ZNF292: variants seen among roughly 807,000 people sequenced by gnomAD.
ZNF292 encodes zinc finger protein 292.
ZNF292 carries 26 observed loss-of-function variants against 217.9 expected under a neutral mutation model. The observed-to-expected ratio is 0.12, with a 90% CI of 0.09 to 0.17. The LOEUF (loss-of-function observed/expected upper bound fraction) is 0.17. Ranked by LOEUF, ZNF292 falls within the 10% of genes least tolerant of loss-of-function variation. The pLI, the probability that ZNF292 is intolerant of heterozygous loss-of-function variation, is 1.00. For missense variants in ZNF292, 2,904 were observed against 3,175.2 expected (o/e 0.91, Z 2.05); for synonymous variants, 1,257 against 1,124.1 (o/e 1.12, Z -2.37).
intron 4 of ZNF292, 50 bp downstream of exon 4, chr6:87,218,781 A>G: frequency 1.3e-6 from 2 of 1,506,680 alleles, no homozygotes; most frequent in Non-Finnish European, 1.8e-6. Context: ...ACTAGAAAAA[A>G]TAAGTGTTAA....
In ZNF292 at chr6:87,228,102, CTTGTT is replaced by C. The variant is rs1430819633; in HGVS notation, c.539-5220_539-5216del. Among the ~76,000 whole-genome samples the C allele has an allele frequency of 3.9e-5, 6 of 152,250 alleles. No homozygotes were observed. The East Asian group carries it at 1.2e-3, about 29-fold the overall frequency. ...CAGTTAATCCACATCCTCACCAACA[CTTGTT>C]TTCTGTTTTTTTCGTAGTAGTCATC... is the stretch of plus-strand genomic sequence containing the variant. On this transcript the variant is annotated intron_variant, in intron 4 of 7. Transcript: ENST00000369577.
At chr6:87,192,316 C>T (rs1207797293) in intron 1 of ZNF292, among the ~76,000 whole-genome samples, 1 of 151,042 alleles carries the variant, frequency 6.6e-6, no homozygotes, top group Admixed American at 6.6e-5. Flanking sequence ...AATTCTGTTA[C>T]TTTAAAAAGT....
intron 1 of ZNF292, among the ~76,000 whole-genome samples, chr6:87,190,683 A>G (rs1422404333): frequency 1.3e-5 from 2 of 152,134 alleles, no homozygotes; most frequent in Non-Finnish European, 2.9e-5. Flanking sequence ...CATGTTGGCC[A>G]GGCTGGTCTG....
At position 87,262,152 on chromosome 6, in the gene ZNF292, T is replaced by A. The variant is rs966056888; in HGVS notation, c.*351T>A. The A allele has an allele frequency of 6.3e-6, 1 of 157,892 alleles. No homozygotes were observed. Among genetic ancestry groups the A allele is most frequent in the African/African-American group, 2.4e-5 (1 of 41,666 alleles). The allele number at this position is 157,892 out of a possible 1,614,324, so 9.8% of individuals were successfully genotyped here. ...CAGTACTCTTTATTTGTAGATACCTTTTTTGTATATATTTATTATTGTAAA... is the reference window on the plus strand; with the variant it reads ...CAGTACTCTTTATTTGTAGATACCTATTTTGTATATATTTATTATTGTAAA... On this transcript the variant is annotated 3_prime_UTR_variant, in exon 8 of 8. Transcript: ENST00000369577.
At chr6:87,173,671 T>C (rs1771184393) in intron 1 of ZNF292, 1 of 152,354 alleles carries the variant, frequency 6.6e-6, no homozygotes, top group Admixed American at 6.5e-5. Context: ...GTTTCTCTTT[T>C]TCTTCTTTGG....
chr6:87,248,634 C>G (rs1191326751), intron 7 of ZNF292, among the ~76,000 whole-genome samples: 1 of 152,178 alleles, frequency 6.6e-6, no homozygotes, highest in Non-Finnish European at 1.5e-5. Flanking sequence ...TATGAAACTA[C>G]TATGCAGTTT....
chr6:87,230,461 T>C (rs1042405902), intron 4 of ZNF292, among the ~76,000 whole-genome samples: 6 of 151,920 alleles, frequency 3.9e-5, no homozygotes, highest in Non-Finnish European at 2.9e-5. Context: ...TGGCCCGGCG[T>C]GGGGGCTCAC....
intron 1 of ZNF292, among the ~76,000 whole-genome samples, chr6:87,165,699 G>C (rs975127000): frequency 1.3e-5 from 2 of 151,592 alleles, no homozygotes; most frequent in Admixed American, 6.6e-5. Context: ...AGTCTAGTTG[G>C]CCCAGAACAT....
At chr6:87,161,729 T>G (rs966758613) in intron 1 of ZNF292, among the ~76,000 whole-genome samples, 1 of 152,250 alleles carries the variant, frequency 6.6e-6, no homozygotes, top group Non-Finnish European at 1.5e-5. Context: ...TTTTGCTTTT[T>G]TGTTGTTTGT....
intron 1 of ZNF292, among the ~76,000 whole-genome samples, chr6:87,174,906 A>G (rs1479892950): frequency 1.3e-5 from 2 of 152,200 alleles, no homozygotes; most frequent in African/African-American, 4.8e-5. Context: ...GACCGAGGTT[A>G]TCTTACACAT....
rs142204561 is a variant in ZNF292, at chr6:87,264,224, A to G, written c.*2423A>G. 2.5e-3 allele frequency: 386 copies of G among 152,286 alleles called. 2 individuals carry two copies. The highest frequency in any genetic ancestry group is 9.0e-3 in the African/African-American group (372 of 41,552). The allele number at this position is 152,286 out of a possible 1,614,324, so 9.4% of individuals were successfully genotyped here. Reference sequence around the variant, plus strand: ...CTTTTCCCCAGCCTATTGTCTTGAGATATCTTCTACAGCCTAAATTTGCTA... The same window carrying G: ...CTTTTCCCCAGCCTATTGTCTTGAGGTATCTTCTACAGCCTAAATTTGCTA... On this transcript the variant is annotated 3_prime_UTR_variant, in exon 8 of 8. Transcript: ENST00000369577.
At chr6:87,216,102 TACATAGACACACACACAC>T (rs1189168282) in intron 2 of ZNF292, 45 bp downstream of exon 2, 63 of 1,210,198 alleles carry the variant, frequency 5.2e-5, no homozygotes, top group East Asian at 7.3e-5. Flanking sequence ...GCTTTAAAAA[TACATAGACACACACACAC>T]ACACACACAC....
chr6:87,168,045 T>C (rs1770973148), intron 1 of ZNF292, among the ~76,000 whole-genome samples: 1 of 152,154 alleles, frequency 6.6e-6, no homozygotes, highest in Non-Finnish European at 1.5e-5. Context: ...TTACCTAATT[T>C]CCATAATCTG....
rs750298330 is a variant in ZNF292, at chr6:87,216,032, G to A, written c.298G>A (p.Ala100Thr). ...PYLTSECENVALVLERLALSC... is the reference protein window; with the variant it reads ...PYLTSECENVTLVLERLALSC... ...TCTTACCTCTGAATGTGAAAATGTA[G>A]CCTTGGTTCTGGAACGCTTGGCATT... is the stretch of plus-strand genomic sequence containing the variant. The change falls in exon 2 of 8, where the codon GCC becomes ACC. Residue 100 changes from alanine (A) to threonine (T), a missense_variant. Physicochemically the swap from Ala to Thr is moderately conservative, Grantham distance 58. Around this residue, in one of 15 missense-constraint regions of ZNF292, gnomAD observed 313 missense variants for 451.0 expected, o/e 0.69. Transcript: ENST00000369577. 4 of 1,569,716 alleles carry A rather than the reference G, an allele frequency of 2.5e-6. No individual in the cohort carries two copies. The highest frequency in any genetic ancestry group is 2.1e-5 in the Admixed American group (1 of 47,858).
chr6:87,218,669 G>A lies in ZNF292; in HGVS notation c.476G>A (p.Gly159Glu). The A allele has an allele frequency of 6.3e-7, 1 of 1,594,122 alleles. No individual in the cohort carries two copies. The highest frequency in any genetic ancestry group is 1.1e-5 in the South Asian group (1 of 86,974). ...TTAGCTACTCTAGCTCAAGAGACTG[G>A]GGTGTGGAAAAACCCGGTACTGTGC... is the stretch of plus-strand genomic sequence containing the variant. ...HFLATLAQET[G>E]VWKNPVLCTI... The change falls in exon 4 of 8, where the codon GGG (glycine) becomes GAG (glutamate). Residue 159 changes from glycine to glutamate, a missense_variant. Gly to Glu is a moderately conservative substitution (Grantham distance 98). This residue lies in a region of ZNF292 where 313 missense variants were observed against 451.0 expected (regional missense o/e 0.69). Coordinates refer to ENST00000369577, the MANE Select transcript of ZNF292 (RefSeq NM_015021.3).
At chr6:87,235,508 A>G (rs1002415190) in intron 5 of ZNF292, among the ~76,000 whole-genome samples, 14 of 151,966 alleles carry the variant, frequency 9.2e-5, no homozygotes, top group African/African-American at 2.4e-4. Context: ...CTAAGCATAG[A>G]GTTGTTGGGT....
At chr6:87,202,701 C>T (rs889839334) in intron 1 of ZNF292, among the ~76,000 whole-genome samples, 3 of 152,122 alleles carry the variant, frequency 2.0e-5, no homozygotes, top group South Asian at 4.1e-4. Context: ...ACTGATTCTT[C>T]TTTACCTCAA....
At chr6:87,241,110 C>T (rs983416006) in intron 5 of ZNF292, among the ~76,000 whole-genome samples, 1 of 152,080 alleles carries the variant, frequency 6.6e-6, no homozygotes, top group African/African-American at 2.4e-5. Flanking sequence ...CAGTGAAACC[C>T]CATCTCTACT....
intron 1 of ZNF292, chr6:87,215,266 T>C (rs767664036): frequency 2.4e-4 from 37 of 152,118 alleles, no homozygotes; most frequent in Non-Finnish European, 3.2e-4. Context: ...AATATTCACT[T>C]AATTGAAAGA....
Sources: gnomAD v4.1 joint callset for allele counts (sites outside exome capture counted in the v4.1 genomes callset) on GRCh38, gnomAD v4.1.1 for gene constraint, gnomAD v4.1.1 regional missense constraint, MANE v1.5 for transcripts, NCBI Gene and HGNC (gene_info 2026-07-23, HGNC 2026-07-21) for gene names.